Variants in ZFP28 observed in about 807,000 individuals in gnomAD.
The protein encoded by ZFP28 is zinc finger protein 28 homolog.
Under a neutral mutation model 39.5 loss-of-function variants are expected in ZFP28, and 31 were observed. That is an observed-to-expected ratio of 0.79 (90% CI 0.59 to 1.06). The LOEUF (loss-of-function observed/expected upper bound fraction) is 1.06, where lower values mean the gene tolerates loss of function less well. Ranked by LOEUF, ZFP28 falls within the 50% of genes least tolerant of loss-of-function variation. The pLI is 0.00. For synonymous variants in ZFP28, 400 were observed against 378.6 expected, an observed-to-expected ratio of 1.06 and a Z score of -0.66; for missense variants, 925 against 1,048.4, an observed-to-expected ratio of 0.88 and a Z score of 1.63.
rs553430926 is a variant in ZFP28, at chr19:56,556,609, G to C, written c.*1217G>C. 6.6e-6 allele frequency: 1 copy of C among 152,208 alleles called. No homozygotes were observed. Among genetic ancestry groups the C allele is most frequent in the African/African-American group, 2.4e-5 (1 of 41,534 alleles). 9.4% of individuals were successfully genotyped at this position (152,208 alleles called of 1,614,324 possible). On this transcript the variant is annotated 3_prime_UTR_variant, in exon 8 of 8. Coordinates refer to ENST00000301318, the MANE Select transcript of ZFP28 (RefSeq NM_020828.2). ...AATATTTCCTATCCTTTAACAGAAAGTTTGCCAACCTCTGCTCTAGAGTAG... is the reference window on the plus strand; with the variant it reads ...AATATTTCCTATCCTTTAACAGAAACTTTGCCAACCTCTGCTCTAGAGTAG...
Position 56,555,389 on chromosome 19 carries a change from A to G in ZFP28, c.2604A>G (p.Pro868=). The change falls in exon 8 of 8, where the codon CCA becomes CCG. Residue 868 remains proline, a synonymous_variant. Transcript: ENST00000301318. ...FLWNPSSLPS[P] ...GGAATCCATCCTCCCTCCCATCACC[A>G]TAGCCTCGAGACGTCATTTCTGTTT... is the stretch of plus-strand genomic sequence containing the variant. 1 of 1,604,430 alleles carries G rather than the reference A, an allele frequency of 6.2e-7. No homozygotes were observed. Among genetic ancestry groups the G allele is most frequent in the South Asian group, 1.1e-5 (1 of 89,470 alleles).
intron 2 of ZFP28, among the ~76,000 whole-genome samples, chr19:56,543,225 A>C (rs1057402029): frequency 6.6e-6 from 1 of 151,076 alleles, no homozygotes; most frequent in East Asian, 1.9e-4. Flanking sequence ...TTTCTATGAA[A>C]TTTCAACAGA....
rs143915055 is a variant in ZFP28, at chr19:56,549,022, A to G, written c.588A>G (p.Leu196=). The change falls in exon 5 of 8, where the codon CTA becomes CTG. Residue 196 remains leucine, a synonymous_variant. Transcript: ENST00000301318. The part of the protein sequence containing the change: ...PLKKDFCEGK[L]SQAVITERLT... ...AGAAGGACTTCTGCGAAGGAAAGCTATCCCAGGCAGTGATAACAGAGAGAC... is the reference window on the plus strand; with the variant it reads ...AGAAGGACTTCTGCGAAGGAAAGCTGTCCCAGGCAGTGATAACAGAGAGAC... 790 of 1,614,148 alleles carry G rather than the reference A, an allele frequency of 4.9e-4. 1 individual carries two copies. In the African/African-American group the frequency reaches 4.9e-3, roughly 10 times the overall value.
At chr19:56,543,072 G>C (rs997970243) in intron 2 of ZFP28, among the ~76,000 whole-genome samples, 1 of 151,758 alleles carries the variant, frequency 6.6e-6, no homozygotes, top group Non-Finnish European at 1.5e-5. Context: ...TAGAATTCAT[G>C]TTTTGAAAAA....
chr19:56,548,658 T>C (rs2044265061), intron 4 of ZFP28, among the ~76,000 whole-genome samples: 1 of 152,218 alleles, frequency 6.6e-6, no homozygotes, highest in African/African-American at 2.4e-5. Context: ...CTCTTGATTT[T>C]TAATTGCTTT....
In ZFP28 at chr19:56,556,525, G is replaced by C. The variant is rs2044352521; in HGVS notation, c.*1133G>C. 6.6e-6 allele frequency: 1 copy of C among 152,206 alleles called. No individual in the cohort carries two copies. Among genetic ancestry groups the C allele is most frequent in the Admixed American group, 6.5e-5 (1 of 15,286 alleles). 9.4% of individuals were successfully genotyped at this position (152,206 alleles called of 1,614,324 possible). On this transcript the variant is annotated 3_prime_UTR_variant, in exon 8 of 8. Coordinates refer to ENST00000301318, the MANE Select transcript of ZFP28 (RefSeq NM_020828.2). ...AACCACAGCCATGCTTACTTGTTTA[G>C]CTATTGACTATGGCTGCTTTAGACA...
chr19:56,540,566 A>G (rs912602130), intron 2 of ZFP28, among the ~76,000 whole-genome samples: 1 of 152,202 alleles, frequency 6.6e-6, no homozygotes, highest in African/African-American at 2.4e-5. Context: ...TCACATTACC[A>G]GATGCAGTGC....
At chr19:56,550,713 T>C (rs1346966452) in intron 7 of ZFP28, 108 bp downstream of exon 7, 12 of 1,573,350 alleles carry the variant, frequency 7.6e-6, no homozygotes, top group Non-Finnish European at 1.0e-5. Context: ...TTACCCAGGG[T>C]CTCTGGGTCT....
chr19:56,538,820 G>GC (rs1203087042), upstream of ZFP28: 1 of 101,666 alleles, frequency 9.8e-6, no homozygotes, highest in Non-Finnish European at 1.9e-5. Flanking sequence ...GGCGGGGCGG[G>GC]GCGGGGCGGG....
rs2044355471 is a variant in ZFP28, at chr19:56,556,712, G to A, written c.*1320G>A. On this transcript the variant is annotated 3_prime_UTR_variant, in exon 8 of 8. Coordinates refer to ENST00000301318, the MANE Select transcript of ZFP28 (RefSeq NM_020828.2). ...CAGAAACAAGAAAACAAATGATAAA[G>A]GAACTCATTTATCAATAGAGGTGAA... 1 of 151,790 alleles carries A rather than the reference G, an allele frequency of 6.6e-6. No individual in the cohort carries two copies. The highest frequency in any genetic ancestry group is 2.1e-4 in the South Asian group (1 of 4,812). 9.4% of individuals were successfully genotyped at this position (151,790 alleles called of 1,614,324 possible).
At chr19:56,544,923 T>C (rs947344273) in intron 2 of ZFP28, among the ~76,000 whole-genome samples, 4 of 152,176 alleles carry the variant, frequency 2.6e-5, no homozygotes, top group African/African-American at 9.6e-5. Context: ...CGTGATTACA[T>C]TGAAGGCATT....
rs1170478362 is a variant in ZFP28, at chr19:56,551,517, C to T, written c.898+912C>T. 4.1e-6 allele frequency: 4 copies of T among 984,606 alleles called. No homozygotes were observed. In the Admixed American group the frequency reaches 1.8e-4, roughly 45 times the overall value. The allele number at this position is 984,606 out of a possible 1,614,324, so 61.0% of individuals were successfully genotyped here. A position where few individuals can be genotyped will look rare whatever the true frequency, so the allele number is the denominator to read the frequency against. ...TTTACATTTCTTAGTATTAAAGATACAATTATAATAGATTTTTTTCAAGTT... is the reference window on the plus strand; with the variant it reads ...TTTACATTTCTTAGTATTAAAGATATAATTATAATAGATTTTTTTCAAGTT... On this transcript the variant is annotated intron_variant, in intron 7 of 7. Coordinates refer to ENST00000301318, the MANE Select transcript of ZFP28 (RefSeq NM_020828.2).
chr19:56,545,309 T>C (rs2044232092), intron 2 of ZFP28, among the ~76,000 whole-genome samples: 1 of 152,204 alleles, frequency 6.6e-6, no homozygotes, highest in Non-Finnish European at 1.5e-5. Context: ...TTCACTCAAA[T>C]TGGGATATCA....
At chr19:56,549,168 G>A in intron 5 of ZFP28, 47 bp downstream of exon 5, 1 of 1,563,640 alleles carries the variant, frequency 6.4e-7, no homozygotes, top group South Asian at 1.2e-5. Context: ...TCCTTCATGA[G>A]GAAACTCTTC....
intron 7 of ZFP28, 150 bp from the exon 8 acceptor site, chr19:56,553,534 C>A (rs982336321): frequency 9.5e-7 from 1 of 1,056,574 alleles, no homozygotes; most frequent in Non-Finnish European, 1.3e-6. Context: ...AGCCACTGTG[C>A]CTGGCCCTAA....
chr19:56,549,192 C>A, intron 5 of ZFP28, 71 bp downstream of exon 5: 2 of 1,503,846 alleles, frequency 1.3e-6, no homozygotes, highest in South Asian at 1.3e-5. Context: ...AGGGAAGAGA[C>A]CATGACTACA....
Position 56,555,422 on chromosome 19 carries a change from C to A in ZFP28, c.*30C>A, listed in dbSNP as rs1028708004. ...GAGACGTCATTTCTGTTTGACTACT[C>A]CAGCAGTTTAAAACCCCATCTCCCT... On this transcript the variant is annotated 3_prime_UTR_variant, in exon 8 of 8. Transcript: ENST00000301318. The A allele has an allele frequency of 3.2e-6, 5 of 1,564,426 alleles. No homozygotes were observed. Among genetic ancestry groups the A allele is most frequent in the African/African-American group, 1.4e-5 (1 of 72,884 alleles).
intron 2 of ZFP28, among the ~76,000 whole-genome samples, chr19:56,540,219 G>T (rs1444372330): frequency 6.6e-6 from 1 of 152,226 alleles, no homozygotes; most frequent in East Asian, 1.9e-4. Context: ...CTGGCTTCCA[G>T]CCTCCTGTAG....
At chr19:56,551,626 G>A in intron 7 of ZFP28, 1 of 985,310 alleles carries the variant, frequency 1.0e-6, no homozygotes, top group Non-Finnish European at 1.2e-6. Flanking sequence ...TGTTTTTGGT[G>A]ACTAGCAACA....
Sources: allele counts gnomAD v4.1 joint callset (sites outside exome capture counted in the v4.1 genomes callset), GRCh38; gene constraint gnomAD v4.1.1; transcripts MANE v1.5; gene names NCBI Gene and HGNC (gene_info 2026-07-23, HGNC 2026-07-21).